NLGN1: variants seen among roughly 807,000 people sequenced by gnomAD.
NLGN1 encodes neuroligin 1, also known as neuroligin-1.
NLGN1 carries 12 observed loss-of-function variants against 65.5 expected under a neutral mutation model. The ratio of observed to expected loss-of-function variants is 0.18; its 90% CI spans 0.12 to 0.30. The LOEUF (loss-of-function observed/expected upper bound fraction) is 0.30, where lower values mean the gene tolerates loss of function less well. Among genes scored for constraint, NLGN1 ranks in the 10% least tolerant of loss-of-function variants. The pLI, the probability that NLGN1 is intolerant of heterozygous loss-of-function variation, is 1.00. For synonymous variants in NLGN1, 350 were observed against 359.5 expected (o/e 0.97, Z 0.30); for missense variants, 750 against 1,007.1 (o/e 0.74, Z 3.46).
chr3:174,265,282 G>C (rs1010935155), intron 4 of NLGN1, among the ~76,000 whole-genome samples: 5 of 151,622 alleles, frequency 3.3e-5, no homozygotes, highest in African/African-American at 4.8e-5. Flanking sequence ...CCCCAGCCTC[G>C]CTGCCGCCTT....
intron 4 of NLGN1, among the ~76,000 whole-genome samples, chr3:173,830,019 G>T (rs866608144): frequency 2.1e-4 from 30 of 141,048 alleles, no homozygotes; most frequent in South Asian, 1.1e-3. Context: ...GGGGGGGGAG[G>T]GAGAGAATAA....
intron 3 of NLGN1, among the ~76,000 whole-genome samples, chr3:173,790,315 T>C (rs558733613): frequency 5.9e-5 from 9 of 152,190 alleles, no homozygotes; most frequent in African/African-American, 1.9e-4. Flanking sequence ...TCCAGAATAA[T>C]ACAGAGCTGC....
At chr3:173,896,652 T>C (rs1736402477) in intron 4 of NLGN1, among the ~76,000 whole-genome samples, 1 of 152,216 alleles carries the variant, frequency 6.6e-6, no homozygotes, top group African/African-American at 2.4e-5. Flanking sequence ...ACAGTACCTT[T>C]ACTTTTTCAT....
At chr3:173,885,843 A>T (rs988374553) in intron 4 of NLGN1, among the ~76,000 whole-genome samples, 5 of 152,250 alleles carry the variant, frequency 3.3e-5, no homozygotes, top group Admixed American at 3.3e-4. Flanking sequence ...TACTTAATGG[A>T]TTCATAAATA....
chr3:173,833,138 A>G (rs955337416), intron 4 of NLGN1, among the ~76,000 whole-genome samples: 1 of 152,248 alleles, frequency 6.6e-6, no homozygotes, highest in African/African-American at 2.4e-5. Flanking sequence ...ATTACAGTAT[A>G]TGTGCATTTA....
Position 173,868,762 on chromosome 3 carries a change from G to A in NLGN1, c.646+60930G>A, listed in dbSNP as rs561202838. ...ATCTCCAAAGAATCTGATTCAGTAG[G>A]TCATAGGATGCAACATCTGTAATTT... On this transcript the variant is annotated intron_variant, in intron 4 of 6. Transcript: ENST00000457714. 1.5e-3 allele frequency among the ~76,000 whole-genome samples: 229 copies of A among 152,190 alleles called. 2 individuals are homozygous for A. The highest frequency in any genetic ancestry group is 5.2e-3 in the African/African-American group (218 of 41,554).
intron 4 of NLGN1, among the ~76,000 whole-genome samples, chr3:174,012,523 A>G (rs920152560): frequency 1.3e-5 from 2 of 152,172 alleles, no homozygotes; most frequent in African/African-American, 4.8e-5. Flanking sequence ...GACTAACACT[A>G]TCTGAAGGGT....
chr3:174,166,454 G>T (rs551282833), intron 4 of NLGN1, among the ~76,000 whole-genome samples: 1 of 151,936 alleles, frequency 6.6e-6, no homozygotes, highest in Admixed American at 6.6e-5. Flanking sequence ...TACCCAAACG[G>T]ATTAAGTTGT....
At chr3:174,243,570 T>G (rs1743272041) in intron 4 of NLGN1, among the ~76,000 whole-genome samples, 1 of 152,132 alleles carries the variant, frequency 6.6e-6, no homozygotes, top group East Asian at 1.9e-4. Context: ...TGTAATTCCT[T>G]TTCTATTCCA....
chr3:173,397,504 C>T (rs1716817100), upstream of NLGN1, among the ~76,000 whole-genome samples: 1 of 152,080 alleles, frequency 6.6e-6, no homozygotes, highest in African/African-American at 2.4e-5. Flanking sequence ...CCCGTTTTGC[C>T]CACCCTCCTG....
rs1359257200 is a variant in NLGN1 at position 173,617,669 on chromosome 3, G to A, written c.493+12578G>A. ...AACCTGGACTCTGTCACGGGCCCTC[G>A]AGGCCAAGTGGCTGCCAACAGCCAG... On this transcript the variant is annotated intron_variant, in intron 3 of 6. Coordinates refer to ENST00000457714, the Ensembl canonical transcript of NLGN1. 2.0e-5 allele frequency among the ~76,000 whole-genome samples: 3 copies of A among 152,248 alleles called. No homozygotes were observed. The East Asian group carries it at 5.8e-4, about 29-fold the overall frequency.
chr3:174,011,515 A>G (rs1725539536), intron 4 of NLGN1, among the ~76,000 whole-genome samples: 2 of 152,168 alleles, frequency 1.3e-5, no homozygotes, highest in Admixed American at 6.6e-5. Context: ...TAAAGCTTCT[A>G]TTTAATCATT....
At chr3:173,639,490 G>T (rs765784716) in intron 3 of NLGN1, among the ~76,000 whole-genome samples, 6 of 152,218 alleles carry the variant, frequency 3.9e-5, no homozygotes, top group Non-Finnish European at 8.8e-5. Flanking sequence ...TTGGCATCCA[G>T]TCATAGGGAA....
intron 4 of NLGN1, among the ~76,000 whole-genome samples, chr3:174,241,468 T>C (rs1412420760): frequency 6.6e-6 from 1 of 151,880 alleles, no homozygotes; most frequent in East Asian, 1.9e-4. Context: ...AGCCGAGTTT[T>C]CTAGCCATCA....
At chr3:174,262,816 G>T (rs1440193849) in intron 4 of NLGN1, among the ~76,000 whole-genome samples, 1 of 83,684 alleles carries the variant, frequency 1.2e-5, no homozygotes, top group Admixed American at 1.3e-4. Context: ...TCTCTTGTGG[G>T]CATTTAGTGC....
intron 3 of NLGN1, among the ~76,000 whole-genome samples, chr3:173,723,334 G>A (rs1187345316): frequency 1.3e-5 from 2 of 152,132 alleles, no homozygotes; most frequent in Non-Finnish European, 2.9e-5. Flanking sequence ...AAACTGCCCT[G>A]AAAATGATGG....
At chr3:173,831,946 A>G (rs953383960) in intron 4 of NLGN1, among the ~76,000 whole-genome samples, 1 of 116,606 alleles carries the variant, frequency 8.6e-6, no homozygotes, top group African/African-American at 3.5e-5. Context: ...AGCTAAGTCT[A>G]TATTCTACTT....
intron 3 of NLGN1, among the ~76,000 whole-genome samples, chr3:173,777,059 A>G (rs985627030): frequency 6.6e-6 from 1 of 151,924 alleles, no homozygotes; most frequent in Non-Finnish European, 1.5e-5. Context: ...TTTAAATTCA[A>G]ATTTTTCACT....
intron 4 of NLGN1, among the ~76,000 whole-genome samples, chr3:173,837,043 A>C (rs942091041): frequency 2.6e-5 from 4 of 152,182 alleles, no homozygotes; most frequent in Non-Finnish European, 5.9e-5. Context: ...TACATAATAG[A>C]TGTTAATACC....
Sources: gnomAD v4.1 joint callset for allele counts (sites outside exome capture counted in the v4.1 genomes callset) on GRCh38, gnomAD v4.1.1 for gene constraint, MANE v1.5 for transcripts, NCBI Gene and HGNC (gene_info 2026-07-23, HGNC 2026-07-21) for gene names.